Variants in SAE1 observed in about 807,000 individuals in gnomAD.
SAE1 encodes SUMO1 activating enzyme subunit 1.
A neutral mutation model predicts 40.6 loss-of-function variants in SAE1; 11 were observed. The ratio of observed to expected loss-of-function variants is 0.27; its 90% CI spans 0.17 to 0.45. The LOEUF (loss-of-function observed/expected upper bound fraction) is 0.45. Among genes scored for constraint, SAE1 ranks in the 20% least tolerant of loss-of-function variants. SAE1 has a pLI of 1.00. For missense variants in SAE1, 373 were observed against 427.3 expected, an observed-to-expected ratio of 0.87 and a Z score of 1.12; for synonymous variants, 155 against 154.3, an observed-to-expected ratio of 1.00 and a Z score of -0.03.
chr19:47,141,639 T>G (rs1438340001), intron 1 of SAE1, among the ~76,000 whole-genome samples: 1 of 151,962 alleles, frequency 6.6e-6, no homozygotes, highest in East Asian at 1.9e-4. Context: ...GGAGTTGGGT[T>G]TTGAAGGGGA....
At chr19:47,186,344 A>G (rs1482719652) in intron 6 of SAE1, among the ~76,000 whole-genome samples, 1 of 152,190 alleles carries the variant, frequency 6.6e-6, no homozygotes, top group East Asian at 1.9e-4. Context: ...CAAATATTTC[A>G]AAATCTGAAA....
chr19:47,159,460 T>C (rs1277301964), intron 5 of SAE1, among the ~76,000 whole-genome samples: 3 of 152,134 alleles, frequency 2.0e-5, no homozygotes, highest in Admixed American at 6.6e-5. Context: ...GTCCAGTGTG[T>C]AGCACAGTCA....
intron 2 of SAE1, among the ~76,000 whole-genome samples, chr19:47,146,531 C>G (rs945896446): frequency 6.6e-6 from 1 of 152,110 alleles, no homozygotes; most frequent in Non-Finnish European, 1.5e-5. Flanking sequence ...CCAGGAATAA[C>G]CAGAGCAGCT....
chr19:47,143,968 G>C (rs988044392), intron 2 of SAE1, among the ~76,000 whole-genome samples: 1 of 152,170 alleles, frequency 6.6e-6, no homozygotes, highest in Non-Finnish European at 1.5e-5. Flanking sequence ...TGGAGGCTTC[G>C]TGGTGCCCTA....
chr19:47,186,614 C>T (rs1387677987), intron 6 of SAE1, among the ~76,000 whole-genome samples: 1 of 152,090 alleles, frequency 6.6e-6, no homozygotes, highest in African/African-American at 2.4e-5. Flanking sequence ...TGTTTTTGAG[C>T]TCGTTTCTGA....
rs528599475 is a variant in SAE1, at chr19:47,130,851, C to T, written c.-80C>T. Reference sequence around the variant, plus strand: ...CGCAGAAGCACTCCGGGCGTGCTGCCGGCGGCGGTAGGTGGCGCGCGGGTC... The same window carrying T: ...CGCAGAAGCACTCCGGGCGTGCTGCTGGCGGCGGTAGGTGGCGCGCGGGTC... On this transcript the variant is annotated 5_prime_UTR_variant, in exon 1 of 9. Transcript: ENST00000270225. The T allele has an allele frequency of 1.0e-5, 16 of 1,541,604 alleles. No homozygotes were observed. Among genetic ancestry groups the T allele is most frequent in the Middle Eastern group, 2.3e-4 (1 of 4,344 alleles).
rs190589896 is a variant in SAE1, at chr19:47,153,793, T to G, written c.527+753T>G. Among the ~76,000 whole-genome samples the G allele has an allele frequency of 2.4e-3, 361 of 152,272 alleles. 3 individuals are homozygous for G. Among genetic ancestry groups the G allele is most frequent in the South Asian group, 0.012 (59 of 4,822 alleles). On this transcript the variant is annotated intron_variant, in intron 4 of 8. Coordinates refer to ENST00000270225, the MANE Select transcript of SAE1 (RefSeq NM_005500.3). ...AGTTCTTTGGGCATATTATTATTAT[T>G]ATTATTTTATTTTTTGAGACGGAGT... is the stretch of plus-strand genomic sequence containing the variant.
chr19:47,167,491 T>C (rs1040954546), intron 5 of SAE1, among the ~76,000 whole-genome samples: 7 of 152,046 alleles, frequency 4.6e-5, no homozygotes, highest in African/African-American at 9.7e-5. Flanking sequence ...CTGCCCGCCT[T>C]GGCCTCCCAA....
intron 5 of SAE1, among the ~76,000 whole-genome samples, chr19:47,163,979 G>A (rs2058374287): frequency 6.6e-6 from 1 of 151,764 alleles, no homozygotes; most frequent in Admixed American, 6.6e-5. Flanking sequence ...TTGTTCGCCA[G>A]GCTGGTCTCG....
intron 7 of SAE1, 60 bp from the exon 8 acceptor site, chr19:47,203,611 G>T: frequency 6.7e-7 from 1 of 1,495,550 alleles, no homozygotes; most frequent in Non-Finnish European, 9.3e-7. Flanking sequence ...AATTTCTCCA[G>T]ATGTCATGGT....
At chr19:47,136,814 T>C (rs2058183432) in intron 1 of SAE1, among the ~76,000 whole-genome samples, 1 of 152,110 alleles carries the variant, frequency 6.6e-6, no homozygotes, top group African/African-American at 2.4e-5. Flanking sequence ...ATAGCAGCTC[T>C]CTGGAGTCGG....
At chr19:47,185,373 C>G (rs917099785) in intron 6 of SAE1, among the ~76,000 whole-genome samples, 1 of 151,506 alleles carries the variant, frequency 6.6e-6, no homozygotes, top group South Asian at 2.1e-4. Flanking sequence ...GGTGGTGTGT[C>G]GGCTCACTGC....
Position 47,202,169 on chromosome 19 carries a change from G to A in SAE1, c.879-1502G>A, listed in dbSNP as rs139413477. The stretch of plus-strand genomic sequence containing the variant: ...GAAATTTGTCTTAAGGAATTATTTC[G>A]ACGCCTGTGTCTTTGTCAAGATGTA... On this transcript the variant is annotated intron_variant, in intron 7 of 8. Transcript: ENST00000270225. 5.8e-3 allele frequency among the ~76,000 whole-genome samples: 884 copies of A among 152,212 alleles called. 10 individuals are homozygous for A. Among genetic ancestry groups the A allele is most frequent in the African/African-American group, 0.02 (834 of 41,534 alleles).
intron 5 of SAE1, among the ~76,000 whole-genome samples, chr19:47,168,681 C>T (rs1450335227): frequency 2.0e-5 from 3 of 152,092 alleles, no homozygotes; most frequent in African/African-American, 7.2e-5. Flanking sequence ...CAGCTCACTG[C>T]AACCTCCCCC....
At chr19:47,163,049 G>T (rs1276600530) in intron 5 of SAE1, among the ~76,000 whole-genome samples, 1 of 151,996 alleles carries the variant, frequency 6.6e-6, no homozygotes, top group Non-Finnish European at 1.5e-5. Flanking sequence ...GGAAAATGCA[G>T]AACAAGTTAA....
At chr19:47,182,135 A>T (rs1468483725) in intron 6 of SAE1, among the ~76,000 whole-genome samples, 5 of 151,854 alleles carry the variant, frequency 3.3e-5, no homozygotes, top group Non-Finnish European at 7.4e-5. Context: ...ATTTCCCCTC[A>T]TTCACACTCC....
chr19:47,152,783 T>C, intron 3 of SAE1, 115 bp from the exon 4 acceptor site: 1 of 1,013,532 alleles, frequency 9.9e-7, no homozygotes, highest in African/African-American at 1.6e-5. Flanking sequence ...TGTACCAGTT[T>C]GAAACATGCT....
intron 1 of SAE1, among the ~76,000 whole-genome samples, chr19:47,137,675 C>T (rs546336188): frequency 2.0e-5 from 3 of 149,068 alleles, no homozygotes; most frequent in South Asian, 4.2e-4. Flanking sequence ...TTTGTGTGTG[C>T]ATGGCGTATG....
At chr19:47,208,283 A>G (rs1444511878) in intron 8 of SAE1, among the ~76,000 whole-genome samples, 1 of 151,912 alleles carries the variant, frequency 6.6e-6, no homozygotes, top group Admixed American at 6.6e-5. Context: ...GTTTTGAGAC[A>G]GGGTCTCACT....
Sources: gnomAD v4.1 joint callset for allele counts (sites outside exome capture counted in the v4.1 genomes callset) on GRCh38, gnomAD v4.1.1 for gene constraint, MANE v1.5 for transcripts, NCBI Gene and HGNC (gene_info 2026-07-23, HGNC 2026-07-21) for gene names.